The following GCN1 variants were observed in gnomAD, a reference collection of about 807,000 sequenced individuals.
GCN1 encodes the protein GCN1 activator of EIF2AK4.
A neutral mutation model predicts 288.4 loss-of-function variants in GCN1; 90 were observed. The observed-to-expected ratio is 0.31, with a 90% confidence interval of 0.26 to 0.37. The LOEUF (loss-of-function observed/expected upper bound fraction) is 0.37, where lower values mean the gene tolerates loss of function less well. GCN1 is among the 10% of genes least tolerant of loss of function. The probability of loss-of-function intolerance (pLI) is 1.00; values close to 1 mark genes in which losing one functional copy is unlikely to be tolerated. For missense variants in GCN1, 2,586 were observed against 3,419.9 expected, an observed-to-expected ratio of 0.76 and a Z score of 6.08; for synonymous variants, 1,386 against 1,420.2, an observed-to-expected ratio of 0.98 and a Z score of 0.54.
In GCN1 at chr12:120,138,843, G is replaced by A. The variant is rs1877096564; in HGVS notation, c.6008C>T (p.Ser2003Phe). ...STSRDAVLYF[S>F]ESLVPTARKA... ...CCTTGCCGTGGGCACGAGGGATTCA[G>A]AGAAATACAGCACCTGCAATGGCAA... The change falls in exon 46 of 58, where the codon TCT becomes TTT. Residue 2003 changes from serine (S) to phenylalanine (F), a missense_variant. Ser to Phe is a radical substitution (Grantham distance 155). Around this residue, in one of 8 missense-constraint regions of GCN1, gnomAD observed 437 missense variants for 570.5 expected, o/e 0.77. Coordinates refer to ENST00000300648, the MANE Select transcript of GCN1 (RefSeq NM_006836.2). 1 of 1,610,928 alleles carries A rather than the reference G, an allele frequency of 6.2e-7. No homozygotes were observed. The highest frequency in any genetic ancestry group is 8.5e-7 in the Non-Finnish European group (1 of 1,177,854).
At chr12:120,159,228 CCAGA>C (rs777794599) in intron 24 of GCN1, among the ~76,000 whole-genome samples, 1 of 152,100 alleles carries the variant, frequency 6.6e-6, no homozygotes, top group Non-Finnish European at 1.5e-5. Context: ...CGCAACAAGC[CCAGA>C]CAGCCAGGTG....
intron 5 of GCN1, among the ~76,000 whole-genome samples, chr12:120,179,890 C>T (rs1398415688): frequency 6.6e-6 from 1 of 152,228 alleles, no homozygotes; most frequent in Non-Finnish European, 1.5e-5. Flanking sequence ...CTGACCACTG[C>T]ATGGCAGGCT....
At chr12:120,175,013 G>A in intron 12 of GCN1, 149 bp downstream of exon 12, 2 of 641,736 alleles carry the variant, frequency 3.1e-6, no homozygotes, top group Non-Finnish European at 5.4e-6. Context: ...AGTAATCCCA[G>A]CTACTAAGGA....
rs138081977 is a variant in GCN1, at chr12:120,170,546, C to T, written c.1367-225G>A. 3.8e-3 allele frequency among the ~76,000 whole-genome samples: 571 copies of T among 152,216 alleles called. 3 individuals are homozygous for T. Among genetic ancestry groups the T allele is most frequent in the Middle Eastern group, 0.014 (4 of 294 alleles). On this transcript the variant is annotated intron_variant, in intron 14 of 57. Coordinates refer to ENST00000300648, the MANE Select transcript of GCN1 (RefSeq NM_006836.2). ...CCTTATGGCCAGGTGCGGTAGCTCA[C>T]GTCTGTAATCCCAGCACTTTGGGAG...
chr12:120,177,722 T>A lies in GCN1; in HGVS notation c.691A>T (p.Ile231Phe). Residue 231 changes from isoleucine (I) to phenylalanine (F), a missense_variant, in exon 8 of 58, where the codon ATC becomes TTC. Coordinates refer to ENST00000300648, the MANE Select transcript of GCN1 (RefSeq NM_006836.2). ...GGAGGCTTGACTTTGCTCATCAGGA[T>A]GTTCTTCATGTAAAAGTCCAGTAGG... is the stretch of plus-strand genomic sequence containing the variant. ...SALLDFYMKN[I>F]LMSKVKPPKY... The A allele has an allele frequency of 6.2e-7, 1 of 1,613,660 alleles. No individual in the cohort carries two copies. The highest frequency in any genetic ancestry group is 1.3e-5 in the African/African-American group (1 of 75,008).
Position 120,157,843 on chromosome 12 carries a change from G to A in GCN1, c.3087+6C>T. 1 of 1,611,280 alleles carries A rather than the reference G, an allele frequency of 6.2e-7. No homozygotes were observed. Among genetic ancestry groups the A allele is most frequent in the Middle Eastern group, 1.7e-4 (1 of 6,030 alleles). On this transcript the variant is annotated splice_donor_region_variant and intron_variant, in intron 26 of 57. Transcript: ENST00000300648. ...ACCAAGAGGAGAGCAGAGCTTCCCT[G>A]CCAACCTCGTCCACCCGCCCGGGTG...
rs573855975 is a variant in GCN1 at position 120,175,736 on chromosome 12, G to C, written c.1042+10C>G. ...CTCAACCACCCGCATGGCCAAGAAG[G>C]CTTGCTCACCTCCGAGGATAGCAAA... On this transcript the variant is annotated intron_variant, in intron 11 of 57. Coordinates refer to ENST00000300648, the MANE Select transcript of GCN1 (RefSeq NM_006836.2). The C allele has an allele frequency of 6.2e-7, 1 of 1,608,950 alleles. No individual in the cohort carries two copies. Among genetic ancestry groups the C allele is most frequent in the Non-Finnish European group, 8.5e-7 (1 of 1,178,088 alleles).
chr12:120,162,827 C>T lies in GCN1; in HGVS notation c.2163+20G>A. ...GCCCCCTCCCGGACCTGAGGCCAGA[C>T]CAGCTCATGTGCCCGTCACCTGGTT... On this transcript the variant is annotated intron_variant, in intron 20 of 57. Transcript: ENST00000300648. 1.9e-6 allele frequency: 3 copies of T among 1,612,788 alleles called. No homozygotes were observed. The highest frequency in any genetic ancestry group is 2.5e-6 in the Non-Finnish European group (3 of 1,179,474).
chr12:120,145,095 A>G (rs372064050), intron 39 of GCN1, 34 bp from the exon 40 acceptor site: 71 of 1,613,524 alleles, frequency 4.4e-5, no homozygotes, highest in Non-Finnish European at 5.7e-5. Flanking sequence ...ATGGTGTGAG[A>G]AGATGAGGCT....
At chr12:120,183,086 G>C (rs1878717151) in intron 5 of GCN1, among the ~76,000 whole-genome samples, 1 of 152,154 alleles carries the variant, frequency 6.6e-6, no homozygotes, top group African/African-American at 2.4e-5. Context: ...AATATGGAAG[G>C]AGCAGGTAGA....
chr12:120,180,569 C>T (rs1233916237), intron 5 of GCN1, among the ~76,000 whole-genome samples: 1 of 151,558 alleles, frequency 6.6e-6, no homozygotes, highest in Non-Finnish European at 1.5e-5. Flanking sequence ...AGCGCCACTG[C>T]ACTCCAGCCT....
chr12:120,178,736 G>A lies in GCN1; in HGVS notation c.549C>T (p.Tyr183=). 6 of 1,614,210 alleles carry A rather than the reference G, an allele frequency of 3.7e-6. No individual in the cohort carries two copies. The highest frequency in any genetic ancestry group is 5.1e-6 in the Non-Finnish European group (6 of 1,179,994). The change falls in exon 7 of 58, where the codon TAC becomes TAT. Residue 183 remains tyrosine, a synonymous_variant. Transcript: ENST00000300648. Reference sequence around the variant, plus strand: ...GCTCTAGGCTGAGAATGGCTGACAAGTACTGTTCCACCAGCCCGGGGTTCT... The same window carrying A: ...GCTCTAGGCTGAGAATGGCTGACAAATACTGTTCCACCAGCCCGGGGTTCT... ...WKENPGLVEQ[Y]LSAILSLEPN...
Position 120,127,594 on chromosome 12 carries a change from G to A in GCN1, c.*255C>T, listed in dbSNP as rs2139075242. 1 of 428,676 alleles carries A rather than the reference G, an allele frequency of 2.3e-6. No individual in the cohort carries two copies. Among genetic ancestry groups the A allele is most frequent in the Non-Finnish European group, 4.3e-6 (1 of 231,590 alleles). The allele number at this position is 428,676 out of a possible 1,614,324, so 26.6% of individuals were successfully genotyped here. A position where few individuals can be genotyped will look rare whatever the true frequency, so the allele number is the denominator to read the frequency against. On this transcript the variant is annotated 3_prime_UTR_variant, in exon 58 of 58. Transcript: ENST00000300648. ...CTAGCCATGCTAAACTGGACAAACAGCTCCTGGGCTGCCATTTGCTGAGGC... is the reference window on the plus strand; with the variant it reads ...CTAGCCATGCTAAACTGGACAAACAACTCCTGGGCTGCCATTTGCTGAGGC...
At position 120,183,606 on chromosome 12, in the gene GCN1, G is replaced by C. The variant is rs761087849; in HGVS notation, c.389C>G (p.Ser130Trp). The change falls in exon 5 of 58, where the codon TCG becomes TGG. Residue 130 changes from serine to tryptophan, a missense_variant. By Grantham distance (177) the Ser-to-Trp change is radical (BLOSUM62 -3). Coordinates refer to ENST00000300648, the MANE Select transcript of GCN1 (RefSeq NM_006836.2). ...TCLLVRIVFPSRAKRQGDIWN... is the reference protein window; with the variant it reads ...TCLLVRIVFPWRAKRQGDIWN... Reference sequence around the variant, plus strand: ...GATGTCTCCTTGTCGCTTGGCTCTCGATGGAAAGACAATGCGCACCAGGAG... The same window carrying C: ...GATGTCTCCTTGTCGCTTGGCTCTCCATGGAAAGACAATGCGCACCAGGAG... The C allele has an allele frequency of 2.4e-5, 38 of 1,613,328 alleles. No homozygotes were observed. Among genetic ancestry groups the C allele is most frequent in the Non-Finnish European group, 2.9e-5 (34 of 1,179,308 alleles).
At position 120,145,257 on chromosome 12, in the gene GCN1, C is replaced by A; in HGVS notation, c.5016+5G>T. On this transcript the variant is annotated splice_donor_5th_base_variant and intron_variant, in intron 39 of 57. Transcript: ENST00000300648. ...GGCCCATCCCCCAGCCTACCTCAGA[C>A]TCACCTCAGGCACAGGGTCCAAAAG... 1 of 1,595,642 alleles carries A rather than the reference C, an allele frequency of 6.3e-7. No homozygotes were observed. The highest frequency in any genetic ancestry group is 1.1e-5 in the South Asian group (1 of 88,570).
intron 55 of GCN1, 48 bp downstream of exon 55, chr12:120,131,137 C>CCT (rs758495088): frequency 3.1e-5 from 49 of 1,577,292 alleles, no homozygotes; most frequent in Non-Finnish European, 4.1e-5. Context: ...CAAGGTGCTG[C>CCT]CTATGGGATG....
chr12:120,135,371 G>A (rs916788888), intron 51 of GCN1, among the ~76,000 whole-genome samples: 1 of 148,092 alleles, frequency 6.8e-6, no homozygotes, highest in Non-Finnish European at 1.5e-5. Context: ...TTTTTGTTTT[G>A]TTTTTTTTTT....
Position 120,159,957 on chromosome 12 carries a change from G to C in GCN1, c.2617C>G (p.Leu873Val), listed in dbSNP as rs761357385. 6.2e-7 allele frequency: 1 copy of C among 1,614,162 alleles called. No homozygotes were observed. Among genetic ancestry groups the C allele is most frequent in the Admixed American group, 1.7e-5 (1 of 60,030 alleles). Residue 873 changes from leucine to valine, a missense_variant, in exon 24 of 58, where the codon CTG becomes GTG. Around this residue, in one of 8 missense-constraint regions of GCN1, gnomAD observed 913 missense variants for 1,107.0 expected, o/e 0.82. Coordinates refer to ENST00000300648, the MANE Select transcript of GCN1 (RefSeq NM_006836.2). Reference sequence around the variant, plus strand: ...ACCAAAACAGGGATGTACTGGGTCAGGCCGGACGGGTTCTTGGCCAGGATG... The same window carrying C: ...ACCAAAACAGGGATGTACTGGGTCACGCCGGACGGGTTCTTGGCCAGGATG... Reference protein sequence around the residue: ...DIILAKNPSGLTQYIPVLVDS... With the variant: ...DIILAKNPSGVTQYIPVLVDS...
At chr12:120,177,858 C>G in intron 7 of GCN1, 106 bp from the exon 8 acceptor site, 2 of 828,424 alleles carry the variant, frequency 2.4e-6, no homozygotes, top group Admixed American at 3.5e-5. Flanking sequence ...CAAATCAATG[C>G]CCCAAATTTC....
Sources: allele counts gnomAD v4.1 joint callset (sites outside exome capture counted in the v4.1 genomes callset), GRCh38; gene constraint gnomAD v4.1.1; regional missense constraint gnomAD v4.1.1; transcripts MANE v1.5; gene names NCBI Gene and HGNC (gene_info 2026-07-23, HGNC 2026-07-21).